Variants in LY75 observed in about 807,000 individuals in gnomAD.
LY75 encodes C-type lectin domain family 13 member B.
A neutral mutation model predicts 231.7 loss-of-function variants in LY75; 185 were observed. The ratio of observed to expected loss-of-function variants is 0.80; its 90% CI spans 0.71 to 0.90. The LOEUF is 0.90. LY75 is among the 40% of genes least tolerant of loss of function. The pLI is 0.00. For synonymous variants in LY75, 668 were observed against 689.0 expected (o/e 0.97, Z 0.48); for missense variants, 1,947 against 2,050.2 (o/e 0.95, Z 0.97).
intron 23 of LY75, among the ~76,000 whole-genome samples, chr2:159,844,590 G>A (rs1443398442): frequency 6.6e-6 from 1 of 151,778 alleles, no homozygotes; most frequent in East Asian, 1.9e-4. Flanking sequence ...AAACGAGAGA[G>A]GTAACTATAG....
chr2:159,872,297 T>C (rs1410055379), intron 13 of LY75, 154 bp downstream of exon 13: 3 of 911,262 alleles, frequency 3.3e-6, no homozygotes, highest in East Asian at 2.7e-5. Context: ...TAAGAGTGCT[T>C]AATGTTCCAT....
rs764118360 is a variant in LY75 at position 159,835,654 on chromosome 2, A to C, written c.3508-9T>G. 6.2e-6 allele frequency: 10 copies of C among 1,611,146 alleles called. No individual in the cohort carries two copies. The African/African-American group carries it at 9.4e-5, about 15-fold the overall frequency. ...CCAAAGTTGAGTTCATCCTGTAAGG[A>C]GCAGAAGTACATTTCAGGTGGCAAT... On this transcript the variant is annotated splice_polypyrimidine_tract_variant and intron_variant, in intron 25 of 34. Coordinates refer to ENST00000263636, the MANE Select transcript of LY75 (RefSeq NM_002349.4).
chr2:159,864,977 A>C, intron 13 of LY75, 57 bp from the exon 14 acceptor site: 1 of 1,507,462 alleles, frequency 6.6e-7, no homozygotes, highest in South Asian at 1.3e-5. Flanking sequence ...AATATTTAGC[A>C]CTCACATGTC....
At chr2:159,814,428 T>C (rs1305970106) in intron 31 of LY75, among the ~76,000 whole-genome samples, 1 of 152,106 alleles carries the variant, frequency 6.6e-6, no homozygotes, top group Non-Finnish European at 1.5e-5. Flanking sequence ...ACAGGAGGAT[T>C]GTTTGAGCCT....
rs973652788 is a variant in LY75, at chr2:159,819,882, A to G, written c.3997T>C (p.Tyr1333His). ...LMWFDKTPLS[Y>H]THWRAGRPTI... The stretch of plus-strand genomic sequence containing the variant: ...GGTCTTCCTGCTCTCCAATGTGTAT[A>G]TGACAGTGGGGTCTTATCAAACCAC... The change falls in exon 29 of 35, where the codon TAT becomes CAT. Residue 1333 changes from tyrosine to histidine, a missense_variant. Physicochemically the swap from Tyr to His is moderately conservative, Grantham distance 83. Coordinates refer to ENST00000263636, the MANE Select transcript of LY75 (RefSeq NM_002349.4). 1.9e-6 allele frequency: 3 copies of G among 1,613,324 alleles called. No individual in the cohort carries two copies. Among genetic ancestry groups the G allele is most frequent in the Non-Finnish European group, 1.7e-6 (2 of 1,179,786 alleles).
intron 29 of LY75, 116 bp from the exon 30 acceptor site, chr2:159,817,148 A>G (rs1015046058): frequency 4.6e-5 from 51 of 1,103,462 alleles, no homozygotes; most frequent in Non-Finnish European, 6.0e-5. Context: ...CTTATTAATA[A>G]GGGAGGTCAA....
At chr2:159,817,198 T>C (rs1303084356) in intron 29 of LY75, among the ~76,000 whole-genome samples, 166 bp from the exon 30 acceptor site, 1 of 152,252 alleles carries the variant, frequency 6.6e-6, no homozygotes, top group East Asian at 1.9e-4. Flanking sequence ...ACACATATCT[T>C]AGGCTCTTAA....
In LY75 at chr2:159,837,065, CT is replaced by C. The variant is rs538789878; in HGVS notation, c.3508-1421del. On this transcript the variant is annotated intron_variant, in intron 25 of 34. Transcript: ENST00000263636. ...GTGGGATTATAAATTAGTTCAGCCC[CT>C]GCGGAAAGTAGTTTGGAGATTTCCC... Among the ~76,000 whole-genome samples, 23 of 152,272 alleles carry C rather than the reference CT, an allele frequency of 1.5e-4. No individual in the cohort carries two copies. The South Asian group carries it at 4.8e-3, about 32-fold the overall frequency.
At position 159,890,368 on chromosome 2, in the gene LY75, C is replaced by G; in HGVS notation, c.647G>C (p.Cys216Ser). 6.2e-7 allele frequency: 1 copy of G among 1,612,980 alleles called. No individual in the cohort carries two copies. The highest frequency in any genetic ancestry group is 8.5e-7 in the Non-Finnish European group (1 of 1,179,504). Residue 216 changes from cysteine (C) to serine (S), a missense_variant, in exon 4 of 35, where the codon TGT (cysteine) becomes TCT (serine). Physicochemically the swap from Cys to Ser is moderately radical, Grantham distance 112. Transcript: ENST00000263636. ...CTCGTTCTTTTCCCAATTATCTTCA[C>G]AACCGTTTTCTGTTGATAAAGACAC... Reference protein sequence around the residue: ...WGICLKPENGCEDNWEKNEQF... With the variant: ...WGICLKPENGSEDNWEKNEQF...
chr2:159,807,937 C>A (rs1334118224), intron 33 of LY75: 1 of 975,724 alleles, frequency 1.0e-6, no homozygotes, highest in Non-Finnish European at 1.2e-6. Context: ...GCAAAAGCTG[C>A]AATTACTTTC....
chr2:159,815,281 G>A, intron 31 of LY75, 124 bp downstream of exon 31: 1 of 1,247,980 alleles, frequency 8.0e-7, no homozygotes, highest in Non-Finnish European at 1.1e-6. Flanking sequence ...GATTACAGGC[G>A]CGAGCCACTG....
intron 13 of LY75, among the ~76,000 whole-genome samples, chr2:159,871,594 A>G (rs1375881600): frequency 1.3e-5 from 2 of 152,124 alleles, no homozygotes; most frequent in East Asian, 3.8e-4. Flanking sequence ...CTAATTGGCA[A>G]GCTTTGTTTT....
intron 9 of LY75, 99 bp from the exon 10 acceptor site, chr2:159,878,820 G>C (rs1332660497): frequency 7.5e-7 from 1 of 1,329,464 alleles, no homozygotes; most frequent in African/African-American, 1.5e-5. Flanking sequence ...CTTAGAACTT[G>C]TGGAAATTGA....
intron 23 of LY75, among the ~76,000 whole-genome samples, chr2:159,849,513 T>C (rs1054446252): frequency 2.6e-5 from 4 of 152,172 alleles, no homozygotes; most frequent in Non-Finnish European, 4.4e-5. Context: ...TTTGCTTCTA[T>C]TTACAACTCA....
intron 28 of LY75, among the ~76,000 whole-genome samples, chr2:159,825,500 C>T (rs1560068073): frequency 1.3e-5 from 2 of 152,116 alleles, no homozygotes; most frequent in East Asian, 3.8e-4. Flanking sequence ...CAGGACCAGA[C>T]AGATTCACAG....
At chr2:159,877,030 A>AG (rs1190231536) in intron 11 of LY75, among the ~76,000 whole-genome samples, 1 of 146,398 alleles carries the variant, frequency 6.8e-6, no homozygotes, top group African/African-American at 2.5e-5. Context: ...AAAAAAAAAA[A>AG]AAAAGAAAAA....
chr2:159,878,634 T>A lies in LY75; in HGVS notation c.1603A>T (p.Arg535Ter). Residue 535 changes from arginine (R) to a stop codon, truncating the protein, a stop_gained and splice_region_variant, in exon 10 of 35, where the codon AGA (arginine) becomes TGA (stop). Coordinates refer to ENST00000263636, the MANE Select transcript of LY75 (RefSeq NM_002349.4). LOFTEE classifies it high-confidence loss of function. ...GTACAAGTTTACTGATGGTCACACC[T>A]GCTAGTGATAGTCAGATTGCAGTTT... is the stretch of plus-strand genomic sequence containing the variant. ...GTNCNLTITSRFEQEYLNDLM... is the reference protein window; with the variant it reads ...GTNCNLTITS 1.2e-6 allele frequency: 2 copies of A among 1,614,044 alleles called. No homozygotes were observed. Among genetic ancestry groups the A allele is most frequent in the Non-Finnish European group, 1.7e-6 (2 of 1,179,962 alleles).
chr2:159,872,824 T>G (rs1472139520), intron 12 of LY75, among the ~76,000 whole-genome samples: 3 of 152,136 alleles, frequency 2.0e-5, no homozygotes, highest in Admixed American at 2.0e-4. Flanking sequence ...ATGGCCTTCC[T>G]CAGCCAGGCT....
chr2:159,898,795 C>A lies in LY75; in HGVS notation c.359G>T (p.Arg120Leu). ...TCCATCCTTCAGAGCCAGCCGGTAC[C>A]GGGCAGCTCCGTACAGAGAGTGGTG... ...CEHHSLYGAARYRLALKDGHG... is the reference protein window; with the variant it reads ...CEHHSLYGAALYRLALKDGHG... Residue 120 changes from arginine (R) to leucine (L), a missense_variant, in exon 2 of 35, where the codon CGG becomes CTG. Arg to Leu is a moderately radical substitution (Grantham distance 102, BLOSUM62 -2). Transcript: ENST00000263636. 6.2e-7 allele frequency: 1 copy of A among 1,614,226 alleles called. No homozygotes were observed. Among genetic ancestry groups the A allele is most frequent in the Non-Finnish European group, 8.5e-7 (1 of 1,180,032 alleles).
Sources: gnomAD v4.1 joint callset for allele counts (sites outside exome capture counted in the v4.1 genomes callset) on GRCh38, gnomAD v4.1.1 for gene constraint, MANE v1.5 for transcripts, NCBI Gene and HGNC (gene_info 2026-07-23, HGNC 2026-07-21) for gene names.